PIK3C3: variants seen among roughly 807,000 people sequenced by gnomAD.
PIK3C3 encodes PI3-kinase type 3.
Under a neutral mutation model 126.1 loss-of-function variants are expected in PIK3C3, and 95 were observed. The observed-to-expected ratio is 0.75, with a 90% CI of 0.64 to 0.89. The LOEUF is 0.89. PIK3C3 is among the 40% of genes least tolerant of loss of function. The pLI, the probability that PIK3C3 is intolerant of heterozygous loss-of-function variation, is 0.00. For missense variants in PIK3C3, 829 were observed against 1,063.2 expected (o/e 0.78, Z 3.06); for synonymous variants, 374 against 360.0 (o/e 1.04, Z -0.44).
intron 12 of PIK3C3, among the ~76,000 whole-genome samples, chr18:42,017,226 A>G (rs1385295323): frequency 1.3e-5 from 2 of 152,072 alleles, no homozygotes; most frequent in African/African-American, 4.8e-5. Flanking sequence ...TCTTCTTATC[A>G]CAACTTGAGA....
intron 13 of PIK3C3, chr18:42,025,820 ATAG>A (rs1351674651): frequency 5.3e-5 from 8 of 152,302 alleles, no homozygotes; most frequent in African/African-American, 1.9e-4. Context: ...CAATAATGAG[ATAG>A]TAGCTAAATC....
chr18:41,957,189 A>G (rs1979823136), intron 1 of PIK3C3, among the ~76,000 whole-genome samples: 1 of 152,192 alleles, frequency 6.6e-6, no homozygotes, highest in African/African-American at 2.4e-5. Flanking sequence ...TCCTGAAAGA[A>G]TAGATGAATA....
intron 4 of PIK3C3, among the ~76,000 whole-genome samples, chr18:41,987,227 T>C (rs1025981362): frequency 6.6e-6 from 1 of 152,096 alleles, no homozygotes; most frequent in Non-Finnish European, 1.5e-5. Flanking sequence ...CAATGAATTA[T>C]TAAAGTTATA....
Position 42,084,233 on chromosome 18 carries a change from A to C in PIK3C3, c.*3096A>C, listed in dbSNP as rs368455845. On this transcript the variant is annotated 3_prime_UTR_variant, in exon 25 of 25. Transcript: ENST00000262039. ...TAAGTATAACATTGCGATTTAAAAC[A>C]ATAAACCAGATTGAGATTCTAAGGA... The C allele has an allele frequency of 2.6e-5, 4 of 152,340 alleles. No homozygotes were observed. Among genetic ancestry groups the C allele is most frequent in the African/African-American group, 9.6e-5 (4 of 41,578 alleles). 9.4% of individuals were successfully genotyped at this position (152,340 alleles called of 1,614,324 possible).
At position 41,995,978 on chromosome 18, in the gene PIK3C3, C is replaced by T. The variant is rs771158352; in HGVS notation, c.875C>T (p.Thr292Met). 19 of 1,605,410 alleles carry T rather than the reference C, an allele frequency of 1.2e-5. No individual in the cohort carries two copies. In the East Asian group the frequency reaches 2.0e-4, roughly 17 times the overall value. The change falls in exon 8 of 25, where the codon ACG (threonine) becomes ATG (methionine). Residue 292 changes from threonine (T) to methionine (M), a missense_variant. Coordinates refer to ENST00000262039, the MANE Select transcript of PIK3C3 (RefSeq NM_002647.4). ...SDHDLKPNAATRDQLNIIVSY... is the reference protein window; with the variant it reads ...SDHDLKPNAAMRDQLNIIVSY... ...CACGATCTGAAACCCAATGCTGCCA[C>T]GAGAGATCAGTTAAATGTAAGAGAA...
intron 12 of PIK3C3, among the ~76,000 whole-genome samples, chr18:42,017,434 TGG>T (rs760054900): frequency 6.6e-6 from 1 of 152,126 alleles, no homozygotes; most frequent in East Asian, 1.9e-4. Context: ...TCCCAGCTGT[TGG>T]GTATAGCATT....
chr18:41,970,429 A>G lies in PIK3C3; in HGVS notation c.504A>G (p.Ser168=). 1 of 1,613,678 alleles carries G rather than the reference A, an allele frequency of 6.2e-7. No individual in the cohort carries two copies. The highest frequency in any genetic ancestry group is 8.5e-7 in the Non-Finnish European group (1 of 1,179,632). ...CTGGCAGAACAAGTAGCACTCTCTC[A>G]GAAGATCAGATGAGCCGTCTTGCCA... The part of the protein sequence containing the change: ...KTPGRTSSTL[S]EDQMSRLAKL... Residue 168 remains serine (S), a synonymous_variant, in exon 4 of 25, where the codon TCA becomes TCG. Coordinates refer to ENST00000262039, the MANE Select transcript of PIK3C3 (RefSeq NM_002647.4).
chr18:42,020,880 G>A (rs1355146244), intron 13 of PIK3C3, among the ~76,000 whole-genome samples, 175 bp downstream of exon 13: 2 of 152,042 alleles, frequency 1.3e-5, no homozygotes, highest in African/African-American at 4.8e-5. Flanking sequence ...ATGCTTGTTG[G>A]CATCAACATT....
rs1471199521 is a variant in PIK3C3 at position 41,990,638 on chromosome 18, A to G, written c.714+84A>G. 43 of 736,890 alleles carry G rather than the reference A, an allele frequency of 5.8e-5. 1 individual carries two copies. In the South Asian group the frequency reaches 6.5e-4, roughly 11 times the overall value. The allele number at this position is 736,890 out of a possible 1,614,324, so 45.6% of individuals were successfully genotyped here. On this transcript the variant is annotated intron_variant, in intron 6 of 24. Coordinates refer to ENST00000262039, the MANE Select transcript of PIK3C3 (RefSeq NM_002647.4). ...AAATATTGTTGTTCCTGCTGGGATG[A>G]ATTATTTGGTTGCAGGGTAGCAGCA...
intron 2 of PIK3C3, among the ~76,000 whole-genome samples, chr18:41,958,718 T>C (rs1435317535): frequency 2.0e-5 from 3 of 152,140 alleles, no homozygotes; most frequent in Non-Finnish European, 4.4e-5. Context: ...TAGATATATA[T>C]GTATATAGAT....
Position 41,957,513 on chromosome 18 carries a change from T to C in PIK3C3, c.69-57T>C, listed in dbSNP as rs991104706. The C allele has an allele frequency of 1.3e-5, 19 of 1,507,768 alleles. No homozygotes were observed. In the African/African-American group the frequency reaches 2.5e-4, roughly 20 times the overall value. 93.4% of individuals were successfully genotyped at this position (1,507,768 alleles called of 1,614,324 possible). A position where few individuals can be genotyped will look rare whatever the true frequency, so the allele number is the denominator to read the frequency against. ...TATGTACATGCTTAGTACTTATGTA[T>C]ATATGTACATGCTTAAAAAATTCAT... On this transcript the variant is annotated intron_variant, in intron 1 of 24. Transcript: ENST00000262039.
At chr18:41,990,273 G>C (rs1293329009) in intron 5 of PIK3C3, among the ~76,000 whole-genome samples, 186 bp from the exon 6 acceptor site, 2 of 152,098 alleles carry the variant, frequency 1.3e-5, no homozygotes, top group African/African-American at 4.8e-5. Flanking sequence ...CAGTAGTGCT[G>C]TCTATAATAA....
intron 2 of PIK3C3, 96 bp downstream of exon 2, chr18:41,957,854 C>G: frequency 2.3e-6 from 2 of 885,910 alleles, no homozygotes; most frequent in Non-Finnish European, 3.5e-6. Flanking sequence ...AGAGGAATTT[C>G]TTAATACCTA....
chr18:42,038,635 T>C, intron 17 of PIK3C3, 146 bp from the exon 18 acceptor site: 1 of 590,970 alleles, frequency 1.7e-6, no homozygotes, highest in Non-Finnish European at 3.0e-6. Flanking sequence ...GGAACCACTG[T>C]GCCCAGCCTA....
chr18:41,975,790 C>T (rs1046281505), intron 4 of PIK3C3, among the ~76,000 whole-genome samples: 1 of 151,724 alleles, frequency 6.6e-6, no homozygotes, highest in African/African-American at 2.4e-5. Context: ...AGCTCCACCT[C>T]CCAAGTTCAT....
chr18:41,968,984 T>G (rs1980513290), intron 3 of PIK3C3, among the ~76,000 whole-genome samples: 2 of 145,304 alleles, frequency 1.4e-5, no homozygotes, highest in African/African-American at 2.5e-5. Flanking sequence ...CTAATTTTAG[T>G]TTTTTTTTTT....
intron 10 of PIK3C3, among the ~76,000 whole-genome samples, chr18:42,012,712 C>G (rs1982885554): frequency 6.6e-6 from 1 of 152,080 alleles, no homozygotes; most frequent in Non-Finnish European, 1.5e-5. Context: ...AAAGTGAAAG[C>G]TACTTTGTTG....
chr18:42,073,228 T>C (rs1985849226), intron 24 of PIK3C3, among the ~76,000 whole-genome samples: 1 of 152,182 alleles, frequency 6.6e-6, no homozygotes, highest in Admixed American at 6.5e-5. Flanking sequence ...TCCTTACTCA[T>C]CACTTGCAGT....
At chr18:42,078,423 A>G (rs1986116325) in intron 24 of PIK3C3, among the ~76,000 whole-genome samples, 3 of 150,888 alleles carry the variant, frequency 2.0e-5, no homozygotes, top group Admixed American at 6.6e-5. Flanking sequence ...TCAGTAAACC[A>G]TATTATAAAC....
Sources: gnomAD v4.1 joint callset for allele counts (sites outside exome capture counted in the v4.1 genomes callset) on GRCh38, gnomAD v4.1.1 for gene constraint, MANE v1.5 for transcripts, NCBI Gene and HGNC (gene_info 2026-07-23, HGNC 2026-07-21) for gene names.